EPHA6: variants seen among roughly 807,000 people sequenced by gnomAD.
EPHA6 encodes the protein ephrin type-A receptor 6.
Under a neutral mutation model 112.0 loss-of-function variants are expected in EPHA6, and 50 were observed. That is an observed-to-expected ratio of 0.45 (90% confidence interval 0.36 to 0.56). EPHA6 has a LOEUF of 0.56. EPHA6 is among the 20% of genes least tolerant of loss of function. The pLI, the probability that EPHA6 is intolerant of heterozygous loss-of-function variation, is 0.00. For missense variants in EPHA6, 1,280 were observed against 1,417.4 expected (o/e 0.90, Z 1.56); for synonymous variants, 529 against 490.7 (o/e 1.08, Z -1.03).
intron 16 of EPHA6, among the ~76,000 whole-genome samples, chr3:97,744,030 ATATTT>A (rs970576444): frequency 1.3e-5 from 2 of 151,958 alleles, no homozygotes; most frequent in Non-Finnish European, 2.9e-5. Flanking sequence ...ATTTTTAAAC[ATATTT>A]TATTGTATTG....
chr3:96,895,139 T>C (rs9818986), intron 2 of EPHA6, among the ~76,000 whole-genome samples: 38,473 of 151,988 alleles, frequency 0.25, 9,115 homozygotes, highest in African/African-American at 0.6. Flanking sequence ...GAAATGGCAG[T>C]TTCATGCCTG....
At chr3:96,840,446 T>TA (rs2034673312) in intron 1 of EPHA6, among the ~76,000 whole-genome samples, 1 of 152,134 alleles carries the variant, frequency 6.6e-6, no homozygotes, top group African/African-American at 2.4e-5. Flanking sequence ...AGCAAGTCTG[T>TA]CAGTAGTCCA....
At chr3:97,431,272 A>G (rs2107233090) in intron 6 of EPHA6, among the ~76,000 whole-genome samples, 1 of 152,282 alleles carries the variant, frequency 6.6e-6, no homozygotes, top group Non-Finnish European at 1.5e-5. Flanking sequence ...CAACATTTCC[A>G]TAGATTAATT....
intron 5 of EPHA6, among the ~76,000 whole-genome samples, chr3:97,379,751 C>A (rs1250048259): frequency 0.24 from 7,313 of 30,530 alleles, 2,027 homozygotes; most frequent in East Asian, 0.57. Context: ...TCTGTCTCCC[C>A]AAAAAAAAAA....
chr3:96,998,295 A>T (rs2043498708), intron 3 of EPHA6, among the ~76,000 whole-genome samples: 2 of 151,894 alleles, frequency 1.3e-5, no homozygotes, highest in African/African-American at 4.8e-5. Context: ...TACCTTTTAA[A>T]CAAGTGAAAT....
chr3:97,306,119 C>T (rs79103842), intron 5 of EPHA6, among the ~76,000 whole-genome samples: 5,172 of 151,774 alleles, frequency 0.034, 266 homozygotes, highest in African/African-American at 0.11. Flanking sequence ...GGAAAATAGA[C>T]ATTCATGCAT....
At chr3:97,470,640 T>C (rs1405274928) in intron 7 of EPHA6, among the ~76,000 whole-genome samples, 1 of 150,952 alleles carries the variant, frequency 6.6e-6, no homozygotes, top group Non-Finnish European at 1.5e-5. Flanking sequence ...CTTTTTTAAG[T>C]ATTTAGATTC....
At chr3:97,041,446 A>G (rs1323713199) in intron 3 of EPHA6, among the ~76,000 whole-genome samples, 1 of 152,088 alleles carries the variant, frequency 6.6e-6, no homozygotes, top group Non-Finnish European at 1.5e-5. Context: ...TGTGTCATTT[A>G]GGAGAATTTT....
At chr3:96,981,945 T>C (rs1325745184) in intron 2 of EPHA6, among the ~76,000 whole-genome samples, 3 of 152,178 alleles carry the variant, frequency 2.0e-5, no homozygotes, top group African/African-American at 7.2e-5. Flanking sequence ...TCTTCTCTCT[T>C]TTCTTCTTTA....
At chr3:97,417,864 A>G (rs1559979448) in intron 6 of EPHA6, among the ~76,000 whole-genome samples, 1 of 152,160 alleles carries the variant, frequency 6.6e-6, no homozygotes, top group Non-Finnish European at 1.5e-5. Flanking sequence ...CTATCTAGAG[A>G]AAAGCTCTCA....
intron 5 of EPHA6, among the ~76,000 whole-genome samples, chr3:97,334,121 G>T (rs2108834233): frequency 6.6e-6 from 1 of 151,934 alleles, no homozygotes; most frequent in South Asian, 2.1e-4. Flanking sequence ...TTCAAATGTT[G>T]AAACAGCTTT....
chr3:97,025,524 C>T (rs1055368115), intron 3 of EPHA6, among the ~76,000 whole-genome samples: 1 of 152,142 alleles, frequency 6.6e-6, no homozygotes, highest in African/African-American at 2.4e-5. Context: ...GTTGCAATTG[C>T]TTTCAGTGTC....
intron 5 of EPHA6, among the ~76,000 whole-genome samples, chr3:97,248,004 TA>T (rs1279130422): frequency 6.6e-6 from 1 of 152,032 alleles, no homozygotes; most frequent in Admixed American, 6.6e-5. Context: ...TGTATGTATA[TA>T]TTTTTTCTCA....
intron 14 of EPHA6, among the ~76,000 whole-genome samples, chr3:97,710,570 TTTTAATTCACTGGGGTA>T (rs1466193201): frequency 6.6e-6 from 1 of 152,206 alleles, no homozygotes; most frequent in African/African-American, 2.4e-5. Flanking sequence ...GTTCCCTCTG[TTTTAATTCACTGGGGTA>T]TTACATATAT....
At chr3:96,968,591 T>A (rs2042210341) in intron 2 of EPHA6, among the ~76,000 whole-genome samples, 1 of 151,786 alleles carries the variant, frequency 6.6e-6, no homozygotes, top group African/African-American at 2.4e-5. Context: ...CAAAAGTACC[T>A]AAGTACATTG....
intron 14 of EPHA6, among the ~76,000 whole-genome samples, chr3:97,698,080 A>G (rs62262811): frequency 0.019 from 2,923 of 152,234 alleles, 42 homozygotes; most frequent in Middle Eastern, 0.045. Flanking sequence ...TTGACTCACC[A>G]CAACCTCCGC....
At chr3:97,432,542 A>G (rs1301637175) in intron 6 of EPHA6, among the ~76,000 whole-genome samples, 1 of 152,156 alleles carries the variant, frequency 6.6e-6, no homozygotes. Context: ...CACAGAAAGA[A>G]GCACTGTTTC....
At chr3:97,199,162 G>A (rs1176869718) in intron 3 of EPHA6, among the ~76,000 whole-genome samples, 1 of 152,008 alleles carries the variant, frequency 6.6e-6, no homozygotes, top group Non-Finnish European at 1.5e-5. Flanking sequence ...TATCTTTTCT[G>A]AAAATAATAA....
In EPHA6 at chr3:97,012,912, A is replaced by T. The variant is rs529636244; in HGVS notation, c.1114+24919A>T. ...TGTCTTTTGAGAAGTATCTGTTAGT[A>T]TATTTGCCCACTTTACTGGGCTTGT... On this transcript the variant is annotated intron_variant, in intron 3 of 17. Coordinates refer to ENST00000389672, the MANE Select transcript of EPHA6 (RefSeq NM_001080448.3). Among the ~76,000 whole-genome samples, 20 of 152,142 alleles carry T rather than the reference A, an allele frequency of 1.3e-4. No homozygotes were observed. In the South Asian group the frequency reaches 3.9e-3, roughly 30 times the overall value.
Sources: allele counts gnomAD v4.1 joint callset (sites outside exome capture counted in the v4.1 genomes callset), GRCh38; gene constraint gnomAD v4.1.1; transcripts MANE v1.5; gene names NCBI Gene and HGNC (gene_info 2026-07-23, HGNC 2026-07-21).